SIK3: variants seen among roughly 807,000 people sequenced by gnomAD.
SIK3 encodes serine/threonine-protein kinase SIK3.
A neutral mutation model predicts 144.2 loss-of-function variants in SIK3; 28 were observed. That is an observed-to-expected ratio of 0.19 (90% CI 0.14 to 0.27). The LOEUF is 0.27. SIK3 is among the 10% of genes least tolerant of loss of function. The probability of loss-of-function intolerance (pLI) is 1.00; values close to 1 mark genes in which losing one functional copy is unlikely to be tolerated. For synonymous variants in SIK3, 686 were observed against 676.3 expected (o/e 1.01, Z -0.22); for missense variants, 1,319 against 1,776.0 (o/e 0.74, Z 4.62).
At position 117,047,130 on chromosome 11, in the gene SIK3, T is replaced by C. The variant is rs368592860; in HGVS notation, c.273+51013A>G. On this transcript the variant is annotated intron_variant, in intron 1 of 24. Coordinates refer to ENST00000445177, the MANE Select transcript of SIK3 (RefSeq NM_001366686.3). Reference sequence around the variant, plus strand: ...CATGTATATTATTGTTTATTTATGTTGGATTGTGGTATGGTTACTATTATA... The same window carrying C: ...CATGTATATTATTGTTTATTTATGTCGGATTGTGGTATGGTTACTATTATA... Among the ~76,000 whole-genome samples, 89 of 152,378 alleles carry C rather than the reference T, an allele frequency of 5.8e-4. 4 individuals carry two copies. The South Asian group carries it at 0.018, about 30-fold the overall frequency.
chr11:117,090,466 G>T (rs1311944304), intron 1 of SIK3, among the ~76,000 whole-genome samples: 2 of 151,770 alleles, frequency 1.3e-5, no homozygotes, highest in Non-Finnish European at 2.9e-5. Context: ...ATATCTAGAT[G>T]ACCAGTTCTC....
intron 4 of SIK3, among the ~76,000 whole-genome samples, chr11:116,903,786 A>G (rs911499086): frequency 2.6e-5 from 4 of 152,080 alleles, no homozygotes; most frequent in African/African-American, 9.7e-5. Context: ...GGGTCTTGCT[A>G]TGTTGTCCAG....
intron 1 of SIK3, among the ~76,000 whole-genome samples, chr11:117,064,272 C>G (rs1025428041): frequency 1.3e-5 from 2 of 152,120 alleles, no homozygotes; most frequent in Admixed American, 6.5e-5. Flanking sequence ...TTATAGTAGA[C>G]TTCATTAACA....
intron 1 of SIK3, among the ~76,000 whole-genome samples, chr11:117,065,335 T>C (rs1240331132): frequency 2.0e-5 from 3 of 152,020 alleles, no homozygotes; most frequent in African/African-American, 7.2e-5. Flanking sequence ...AATTATAAAC[T>C]ATTTTAAACA....
At chr11:117,026,010 C>T (rs1951994613) in intron 1 of SIK3, among the ~76,000 whole-genome samples, 1 of 151,984 alleles carries the variant, frequency 6.6e-6, no homozygotes, top group African/African-American at 2.4e-5. Flanking sequence ...AAACAAAATC[C>T]TTTAAGATTA....
intron 5 of SIK3, among the ~76,000 whole-genome samples, chr11:116,896,920 G>A (rs946213504): frequency 1.3e-5 from 2 of 151,656 alleles, no homozygotes; most frequent in Admixed American, 1.3e-4. Flanking sequence ...CCAACTACTT[G>A]TGAGGCTGAG....
chr11:117,046,739 A>G (rs970272199), intron 1 of SIK3, among the ~76,000 whole-genome samples: 22 of 152,044 alleles, frequency 1.4e-4, no homozygotes, highest in Admixed American at 5.9e-4. Flanking sequence ...AATTAGTCAC[A>G]CACGGTGGTA....
chr11:116,990,065 T>C (rs75292554), intron 1 of SIK3, among the ~76,000 whole-genome samples: 3,538 of 152,264 alleles, frequency 0.023, 73 homozygotes, highest in South Asian at 0.095. Flanking sequence ...CTTGGAACAG[T>C]AGACCTTCTG....
chr11:116,994,766 G>A (rs1950605135), intron 1 of SIK3, among the ~76,000 whole-genome samples: 1 of 152,052 alleles, frequency 6.6e-6, no homozygotes, highest in Non-Finnish European at 1.5e-5. Flanking sequence ...CAGCTTTTAA[G>A]GCTCTCTAAA....
chr11:116,917,810 AAAG>A (rs1946733679), intron 4 of SIK3, among the ~76,000 whole-genome samples: 1 of 87,692 alleles, frequency 1.1e-5, no homozygotes, highest in Non-Finnish European at 2.2e-5. Flanking sequence ...GAGAGGAAGG[AAAG>A]AAGGAAGAAG....
intron 1 of SIK3, among the ~76,000 whole-genome samples, chr11:117,028,092 T>TTAC (rs948495043): frequency 2.6e-5 from 4 of 152,060 alleles, no homozygotes; most frequent in Admixed American, 6.5e-5. Flanking sequence ...GTTAATAGTA[T>TTAC]TACTACTACT....
At chr11:117,085,892 G>A (rs1233020003) in intron 1 of SIK3, among the ~76,000 whole-genome samples, 2 of 152,202 alleles carry the variant, frequency 1.3e-5, no homozygotes, top group African/African-American at 2.4e-5. Flanking sequence ...GGCAGAGGTT[G>A]CAGTGAGCCG....
In SIK3 at chr11:116,924,793, G is replaced by A. The variant is rs1467999970; in HGVS notation, c.616+2426C>T. Reference sequence around the variant, plus strand: ...GTGTCCTCTGCTATCCAGGTGGGCTGGTCAGTGCAGAGTGGGTGGTGCGTG... The same window carrying A: ...GTGTCCTCTGCTATCCAGGTGGGCTAGTCAGTGCAGAGTGGGTGGTGCGTG... On this transcript the variant is annotated intron_variant, in intron 4 of 24. Transcript: ENST00000445177. Among the ~76,000 whole-genome samples, 4 of 152,180 alleles carry A rather than the reference G, an allele frequency of 2.6e-5. No individual in the cohort carries two copies. In the East Asian group the frequency reaches 7.7e-4, roughly 29 times the overall value.
In SIK3 at chr11:117,039,107, C is replaced by T. The variant is rs554775381; in HGVS notation, c.273+59036G>A. 3.4e-4 allele frequency among the ~76,000 whole-genome samples: 52 copies of T among 152,026 alleles called. 1 individual carries two copies. The highest frequency in any genetic ancestry group is 1.3e-3 in the African/African-American group (52 of 41,476). ...ACGGAGCATCTTTAGATCAGAATCA[C>T]CTCGGCTCTACGTTGAGACTACTGT... On this transcript the variant is annotated intron_variant, in intron 1 of 24. Transcript: ENST00000445177.
chr11:117,056,064 C>G (rs775122507), intron 1 of SIK3, among the ~76,000 whole-genome samples: 2 of 152,146 alleles, frequency 1.3e-5, no homozygotes, highest in African/African-American at 2.4e-5. Flanking sequence ...GGAGGATGTG[C>G]TACAGGATGA....
chr11:116,943,582 T>C (rs530113940), intron 3 of SIK3, among the ~76,000 whole-genome samples: 26 of 152,272 alleles, frequency 1.7e-4, no homozygotes, highest in African/African-American at 5.8e-4. Flanking sequence ...TCAAAGACAC[T>C]CACCGAAACC....
At chr11:116,975,961 C>G (rs965351721) in intron 1 of SIK3, among the ~76,000 whole-genome samples, 14 of 152,176 alleles carry the variant, frequency 9.2e-5, no homozygotes, top group African/African-American at 3.4e-4. Flanking sequence ...TTCCTAATGA[C>G]TAATGATGCT....
At chr11:116,924,812 G>A (rs562130176) in intron 4 of SIK3, among the ~76,000 whole-genome samples, 113 of 152,304 alleles carry the variant, frequency 7.4e-4, no homozygotes, top group African/African-American at 2.7e-3. Context: ...AGAGTGGGTG[G>A]TGCGTGTCCA....
At chr11:116,851,747 C>T (rs1341389148) in intron 21 of SIK3, among the ~76,000 whole-genome samples, 4 of 152,164 alleles carry the variant, frequency 2.6e-5, no homozygotes, top group African/African-American at 2.4e-5. Flanking sequence ...TTAGCCCGCC[C>T]GTCCTACCCA....
Sources: gnomAD v4.1 joint callset for allele counts (sites outside exome capture counted in the v4.1 genomes callset) on GRCh38, gnomAD v4.1.1 for gene constraint, MANE v1.5 for transcripts, NCBI Gene and HGNC (gene_info 2026-07-23, HGNC 2026-07-21) for gene names.